Variants in DLGAP4 observed in about 807,000 individuals in gnomAD.
DLGAP4 encodes DLG associated protein 4.
Under a neutral mutation model 86.9 loss-of-function variants are expected in DLGAP4, and 18 were observed. The observed-to-expected ratio is 0.21, with a 90% CI of 0.14 to 0.31. The LOEUF is 0.31. Ranked by LOEUF, DLGAP4 falls within the 10% of genes least tolerant of loss-of-function variation. DLGAP4 has a pLI of 1.00. For synonymous variants in DLGAP4, 548 were observed against 574.3 expected (o/e 0.95, Z 0.65); for missense variants, 1,085 against 1,362.6 (o/e 0.80, Z 3.21).
At chr20:36,512,300 G>T (rs1330049477) in intron 10 of DLGAP4, among the ~76,000 whole-genome samples, 3 of 151,760 alleles carry the variant, frequency 2.0e-5, no homozygotes, top group East Asian at 1.9e-4. Context: ...TCCGCCCACC[G>T]CAGCCTCCCA....
intron 2 of DLGAP4, among the ~76,000 whole-genome samples, chr20:36,424,983 G>A (rs944487020): frequency 6.6e-5 from 10 of 152,074 alleles, no homozygotes; most frequent in African/African-American, 1.9e-4. Flanking sequence ...TAATCCAGGC[G>A]TGAGCCACCA....
At chr20:36,438,382 AT>A (rs1304003702) in intron 4 of DLGAP4, among the ~76,000 whole-genome samples, 40 of 22,862 alleles carry the variant, frequency 1.7e-3, no homozygotes, top group Middle Eastern at 0.056. Flanking sequence ...AAAAAAAAAT[AT>A]ATATATATAT....
chr20:36,349,137 A>G lies in DLGAP4; in HGVS notation c.-303-17908A>G, dbSNP rs868960640. 2.5e-4 allele frequency among the ~76,000 whole-genome samples: 28 copies of G among 111,822 alleles called. 1 individual carries two copies. The highest frequency in any genetic ancestry group is 1.2e-3 in the South Asian group (4 of 3,474). The allele number at this position is 111,822 out of a possible 152,430, so 73.4% of individuals were successfully genotyped here. A position where few individuals can be genotyped will look rare whatever the true frequency, so the allele number is the denominator to read the frequency against. ...AAAAAAAAAAAAAAAAAAAAAAAAA[A>G]GCCGGGTGCAATGGCTCACACCTGT... On this transcript the variant is annotated intron_variant, in intron 1 of 12. Transcript: ENST00000339266.
chr20:36,505,048 C>T (rs1158836504), intron 10 of DLGAP4, among the ~76,000 whole-genome samples: 1 of 151,174 alleles, frequency 6.6e-6, no homozygotes, highest in African/African-American at 2.4e-5. Flanking sequence ...AGTGCCGTGA[C>T]GTGATCTTGG....
chr20:36,401,152 TGGGCGG>T (rs528481234), intron 2 of DLGAP4, among the ~76,000 whole-genome samples: 227 of 151,822 alleles, frequency 1.5e-3, no homozygotes, highest in African/African-American at 5.2e-3. Flanking sequence ...CATCCAATCC[TGGGCGG>T]CAGAGGCTGC....
At chr20:36,462,124 C>T in intron 7 of DLGAP4, 1 of 1,011,072 alleles carries the variant, frequency 9.9e-7, no homozygotes, top group African/African-American at 1.7e-5. Flanking sequence ...CCCATTGCCC[C>T]TGGGCTTTCC....
chr20:36,477,350 C>T (rs933325918), intron 7 of DLGAP4, among the ~76,000 whole-genome samples: 2 of 152,212 alleles, frequency 1.3e-5, no homozygotes, highest in African/African-American at 2.4e-5. Context: ...CCGCCTCTGC[C>T]TCCCAAAGTG....
At chr20:36,343,683 A>G (rs1215017517) in intron 1 of DLGAP4, among the ~76,000 whole-genome samples, 1 of 152,114 alleles carries the variant, frequency 6.6e-6, no homozygotes, top group Non-Finnish European at 1.5e-5. Flanking sequence ...ATGCATGCAC[A>G]CACTTCACTC....
At chr20:36,409,725 A>G (rs1252237720) in intron 2 of DLGAP4, among the ~76,000 whole-genome samples, 10 of 142,584 alleles carry the variant, frequency 7.0e-5, no homozygotes, top group Non-Finnish European at 1.6e-4. Flanking sequence ...AAAAAAAAAA[A>G]GAAACATAAT....
chr20:36,478,324 C>T (rs909139076), intron 7 of DLGAP4, among the ~76,000 whole-genome samples: 3 of 152,136 alleles, frequency 2.0e-5, no homozygotes, highest in African/African-American at 7.2e-5. Flanking sequence ...CTGTGCCCTC[C>T]CTAATCTAGT....
chr20:36,499,140 A>G, intron 8 of DLGAP4: 1 of 1,183,078 alleles, frequency 8.5e-7, no homozygotes, highest in East Asian at 2.5e-5. Context: ...GACAGCCGCC[A>G]GCTTCAACTA....
chr20:36,361,408 G>A (rs892940181), intron 1 of DLGAP4, among the ~76,000 whole-genome samples: 1 of 152,180 alleles, frequency 6.6e-6, no homozygotes, highest in Non-Finnish European at 1.5e-5. Context: ...ACCCTGAGTC[G>A]AATTCTTTTG....
At position 36,308,128 on chromosome 20, in the gene DLGAP4, T is replaced by C. The variant is rs2065021620; in HGVS notation, c.-304+1616T>C. On this transcript the variant is annotated intron_variant, in intron 1 of 12. Coordinates refer to ENST00000339266, the MANE Select transcript of DLGAP4 (RefSeq NM_001365621.2). This position sits in a 1 kb window ranked among gnomAD's most constrained non-coding sequence, Gnocchi z 4.5. ...GAGACGCTGGCTGTGCACGTGGGGC[T>C]GGCTAGAGTGCCTGTCTCCCGCTGT... 6.6e-6 allele frequency among the ~76,000 whole-genome samples: 1 copy of C among 152,192 alleles called. No homozygotes were observed. The highest frequency in any genetic ancestry group is 1.5e-5 in the Non-Finnish European group (1 of 68,026).
chr20:36,506,218 A>C (rs1207736196), intron 10 of DLGAP4, among the ~76,000 whole-genome samples: 1 of 152,190 alleles, frequency 6.6e-6, no homozygotes, highest in East Asian at 1.9e-4. Context: ...AGATTGCTTC[A>C]TGCCAATAGG....
intron 2 of DLGAP4, among the ~76,000 whole-genome samples, chr20:36,415,441 C>G (rs764085027): frequency 1.3e-5 from 2 of 152,168 alleles, no homozygotes; most frequent in Admixed American, 1.3e-4. Flanking sequence ...AGACAGTGCC[C>G]GGCCCTGTCT....
At chr20:36,469,381 C>T (rs1279644288) in intron 7 of DLGAP4, among the ~76,000 whole-genome samples, 1 of 152,106 alleles carries the variant, frequency 6.6e-6, no homozygotes, top group African/African-American at 2.4e-5. Context: ...TAGACTGTTG[C>T]AGCCCGTGAG....
At chr20:36,521,061 G>A (rs1600713692) in intron 10 of DLGAP4, among the ~76,000 whole-genome samples, 3 of 152,082 alleles carry the variant, frequency 2.0e-5, no homozygotes, top group South Asian at 2.1e-4. Flanking sequence ...TTGAACTGCC[G>A]ACCTCACCTT....
chr20:36,317,282 TTC>T (rs2065115614), intron 1 of DLGAP4, among the ~76,000 whole-genome samples: 1 of 30,380 alleles, frequency 3.3e-5, no homozygotes. Context: ...TTTCTTATCT[TTC>T]TTTCTTTCTT....
chr20:36,310,068 C>G (rs2065038519), intron 1 of DLGAP4, among the ~76,000 whole-genome samples: 1 of 151,602 alleles, frequency 6.6e-6, no homozygotes, highest in Non-Finnish European at 1.5e-5. Flanking sequence ...GCACAGTGGC[C>G]CATGCTTGTA....
Sources: allele counts gnomAD v4.1 joint callset (sites outside exome capture counted in the v4.1 genomes callset), GRCh38; gene constraint gnomAD v4.1.1; non-coding constraint Gnocchi (gnomAD v3.1); transcripts MANE v1.5; gene names NCBI Gene and HGNC (gene_info 2026-07-23, HGNC 2026-07-21).